Variants in ZBTB8B observed in about 807,000 individuals in gnomAD.
ZBTB8B encodes the protein zinc finger and BTB domain containing 8B, also known as zinc finger and BTB domain-containing protein 8B.
A neutral mutation model predicts 30.3 loss-of-function variants in ZBTB8B; 17 were observed. The observed-to-expected ratio is 0.56, with a 90% confidence interval of 0.38 to 0.84. The LOEUF is 0.84. Ranked by LOEUF, ZBTB8B falls within the 40% of genes least tolerant of loss-of-function variation. ZBTB8B has a pLI of 0.00. For missense variants in ZBTB8B, 515 were observed against 644.9 expected, an observed-to-expected ratio of 0.80 and a Z score of 2.18; for synonymous variants, 248 against 255.6, an observed-to-expected ratio of 0.97 and a Z score of 0.28.
In ZBTB8B at chr1:32,489,668, G is replaced by A. The variant is rs1033752500; in HGVS notation, c.*4250G>A. On this transcript the variant is annotated 3_prime_UTR_variant, in exon 4 of 4. Coordinates refer to ENST00000609129, the MANE Select transcript of ZBTB8B (RefSeq NM_001145720.2). ...CCCAAGTTCACAAAGGGATATTTTC[G>A]TCTCATATTAGATGTATTGCATGAA... 6.6e-5 allele frequency: 10 copies of A among 152,152 alleles called. No individual in the cohort carries two copies. The highest frequency in any genetic ancestry group is 2.1e-4 in the South Asian group (1 of 4,826). The allele number at this position is 152,152 out of a possible 1,614,324, so 9.4% of individuals were successfully genotyped here. A position where few individuals can be genotyped will look rare whatever the true frequency, so the allele number is the denominator to read the frequency against.
chr1:32,467,979 G>C (rs1034817999), intron 1 of ZBTB8B, among the ~76,000 whole-genome samples: 2 of 151,992 alleles, frequency 1.3e-5, no homozygotes, highest in African/African-American at 4.8e-5. Flanking sequence ...AGCCTGGCGT[G>C]GGGGTGGGTA....
In ZBTB8B at chr1:32,495,689, G is replaced by A. The variant is rs1185609513; in HGVS notation, c.*10271G>A. 1 of 152,078 alleles carries A rather than the reference G, an allele frequency of 6.6e-6. No homozygotes were observed. Among genetic ancestry groups the A allele is most frequent in the African/African-American group, 2.4e-5 (1 of 41,398 alleles). The allele number at this position is 152,078 out of a possible 1,614,324, so 9.4% of individuals were successfully genotyped here. ...AATTTGGTACCTATAAATTTAAAAT[G>A]GCTAAGGTTAAAATAGTTAAAACAG... On this transcript the variant is annotated 3_prime_UTR_variant, in exon 4 of 4. Transcript: ENST00000609129.
At chr1:32,482,369 C>G (rs1206353290) in intron 3 of ZBTB8B, among the ~76,000 whole-genome samples, 1 of 151,870 alleles carries the variant, frequency 6.6e-6, no homozygotes, top group Non-Finnish European at 1.5e-5. Context: ...CTTCAATGGA[C>G]GCTCTTAAGA....
At chr1:32,469,963 G>A (rs879884320) in intron 1 of ZBTB8B, among the ~76,000 whole-genome samples, 17 of 152,052 alleles carry the variant, frequency 1.1e-4, no homozygotes, top group East Asian at 9.7e-4. Context: ...CTTGTTTCAC[G>A]CAGCTTACAT....
chr1:32,472,353 A>G (rs1643630860), intron 2 of ZBTB8B, among the ~76,000 whole-genome samples: 1 of 152,162 alleles, frequency 6.6e-6, no homozygotes, highest in Non-Finnish European at 1.5e-5. Flanking sequence ...AACGGGAATA[A>G]TCATCCCTGC....
At position 32,494,273 on chromosome 1, in the gene ZBTB8B, G is replaced by GAGA. The variant is rs1019609338; in HGVS notation, c.*8856_*8858dup. 5 of 151,318 alleles carry GAGA rather than the reference G, an allele frequency of 3.3e-5. No individual in the cohort carries two copies. The highest frequency in any genetic ancestry group is 7.4e-5 in the Non-Finnish European group (5 of 67,900). The allele number at this position is 151,318 out of a possible 1,614,324, so 9.4% of individuals were successfully genotyped here. The stretch of plus-strand genomic sequence containing the variant: ...GATTTGAAAGTTAGAAGGGACAGGA[G>GAGA]AGATAGTCTAGTCCAACTCCATGTG... On this transcript the variant is annotated 3_prime_UTR_variant, in exon 4 of 4. Coordinates refer to ENST00000609129, the MANE Select transcript of ZBTB8B (RefSeq NM_001145720.2).
chr1:32,476,836 T>C (rs1643668098), intron 2 of ZBTB8B, among the ~76,000 whole-genome samples: 1 of 151,970 alleles, frequency 6.6e-6, no homozygotes, highest in Non-Finnish European at 1.5e-5. Context: ...AAGTCCAAGT[T>C]TCTCAGCATG....
In ZBTB8B at chr1:32,495,258, T is replaced by C. The variant is rs147174460; in HGVS notation, c.*9840T>C. ...AGGTATTTCTTGACTCAGTGGATTT[T>C]AATCAGTCTACTGCAAAAGCTAGTT... On this transcript the variant is annotated 3_prime_UTR_variant, in exon 4 of 4. Coordinates refer to ENST00000609129, the MANE Select transcript of ZBTB8B (RefSeq NM_001145720.2). 1.1e-4 allele frequency: 16 copies of C among 152,340 alleles called. No homozygotes were observed. The East Asian group carries it at 3.1e-3, about 29-fold the overall frequency. The allele number at this position is 152,340 out of a possible 1,614,324, so 9.4% of individuals were successfully genotyped here. A position where few individuals can be genotyped will look rare whatever the true frequency, so the allele number is the denominator to read the frequency against.
chr1:32,470,393 G>A (rs1054391152), intron 1 of ZBTB8B, among the ~76,000 whole-genome samples, 191 bp from the exon 2 acceptor site: 2 of 151,348 alleles, frequency 1.3e-5, no homozygotes, highest in African/African-American at 2.4e-5. Context: ...CCAGCTACTC[G>A]GGAGGCTGAG....
At chr1:32,482,226 T>A (rs926680842) in intron 3 of ZBTB8B, among the ~76,000 whole-genome samples, 1 of 152,070 alleles carries the variant, frequency 6.6e-6, no homozygotes, top group African/African-American at 2.4e-5. Flanking sequence ...CTTGAACTCC[T>A]GGGCTCAAGC....
chr1:32,470,169 C>G (rs1557680527), intron 1 of ZBTB8B, among the ~76,000 whole-genome samples: 1 of 152,138 alleles, frequency 6.6e-6, no homozygotes, highest in Non-Finnish European at 1.5e-5. Flanking sequence ...GACACTATTG[C>G]ACCACTGGTT....
At chr1:32,475,886 C>G (rs1015456638) in intron 2 of ZBTB8B, among the ~76,000 whole-genome samples, 1 of 148,498 alleles carries the variant, frequency 6.7e-6, no homozygotes, top group African/African-American at 2.5e-5. Context: ...GGTGCCATCT[C>G]GGCTGACTGC....
chr1:32,481,980 CTTTTT>C (rs1553171175), intron 3 of ZBTB8B, among the ~76,000 whole-genome samples: 1 of 151,972 alleles, frequency 6.6e-6, no homozygotes, highest in African/African-American at 2.4e-5. Flanking sequence ...TTATGATCAT[CTTTTT>C]TTGTTTTGTT....
intron 2 of ZBTB8B, among the ~76,000 whole-genome samples, chr1:32,474,361 A>T: frequency 1.4e-5 from 2 of 139,586 alleles, no homozygotes; most frequent in African/African-American, 5.5e-5. Context: ...AAAAAAAAAA[A>T]AAAAAAAAAA....
Position 32,471,219 on chromosome 1 carries a change from G to A in ZBTB8B, c.595G>A (p.Asp199Asn), listed in dbSNP as rs1419708351. ...AGAGTCCCCTTGCGGTGACTGCGGA[G>A]ACTGCCACCCCTTGGAACTGGTGGT... ...LRESPCGDCG[D>N]CHPLELVVRD... Residue 199 changes from aspartate to asparagine, a missense_variant, in exon 2 of 4, where the codon GAC (aspartate) becomes AAC (asparagine). Asp to Asn is a conservative substitution (Grantham distance 23). Transcript: ENST00000609129. The A allele has an allele frequency of 6.4e-7, 1 of 1,551,974 alleles. No individual in the cohort carries two copies. The highest frequency in any genetic ancestry group is 2.4e-5 in the East Asian group (1 of 40,924).
chr1:32,482,136 C>A (rs1416374608), intron 3 of ZBTB8B, among the ~76,000 whole-genome samples: 1 of 152,048 alleles, frequency 6.6e-6, no homozygotes, highest in Non-Finnish European at 1.5e-5. Context: ...CACCACCATG[C>A]CCAGCTAACG....
intron 2 of ZBTB8B, among the ~76,000 whole-genome samples, chr1:32,478,033 C>T (rs989693339): frequency 6.8e-6 from 1 of 146,336 alleles, no homozygotes; most frequent in Admixed American, 6.8e-5. Flanking sequence ...CTCCAGCCTG[C>T]ACAACAAAAG....
In ZBTB8B at chr1:32,489,542, G is replaced by C. The variant is rs1438506343; in HGVS notation, c.*4124G>C. The C allele has an allele frequency of 6.6e-6, 1 of 152,108 alleles. No individual in the cohort carries two copies. The highest frequency in any genetic ancestry group is 2.4e-5 in the African/African-American group (1 of 41,400). The allele number at this position is 152,108 out of a possible 1,614,324, so 9.4% of individuals were successfully genotyped here. On this transcript the variant is annotated 3_prime_UTR_variant, in exon 4 of 4. Coordinates refer to ENST00000609129, the MANE Select transcript of ZBTB8B (RefSeq NM_001145720.2). ...GTATTTATAATCACAGTGTCTTTGA[G>C]GTTTAATTTGTGGGGTTGGTGGTAT...
chr1:32,494,670 T>C lies in ZBTB8B; in HGVS notation c.*9252T>C, dbSNP rs1392089629. On this transcript the variant is annotated 3_prime_UTR_variant, in exon 4 of 4. Coordinates refer to ENST00000609129, the MANE Select transcript of ZBTB8B (RefSeq NM_001145720.2). ...CATACACACAAAAGGCAAATTAAAA[T>C]ATTTATTGTCCACTTAATATGTGTT... The C allele has an allele frequency of 1.3e-5, 2 of 152,160 alleles. No individual in the cohort carries two copies. The highest frequency in any genetic ancestry group is 4.8e-5 in the African/African-American group (2 of 41,454). The allele number at this position is 152,160 out of a possible 1,614,324, so 9.4% of individuals were successfully genotyped here. A position where few individuals can be genotyped will look rare whatever the true frequency, so the allele number is the denominator to read the frequency against.
Sources: allele counts gnomAD v4.1 joint callset (sites outside exome capture counted in the v4.1 genomes callset), GRCh38; gene constraint gnomAD v4.1.1; transcripts MANE v1.5; gene names NCBI Gene and HGNC (gene_info 2026-07-23, HGNC 2026-07-21).